The following ITGA6 variants were observed in gnomAD, a reference collection of about 807,000 sequenced individuals.
The protein encoded by ITGA6 is integrin alpha-6.
In ITGA6, 63 loss-of-function variants were observed where a neutral mutation model predicts 133.6. The ratio of observed to expected loss-of-function variants is 0.47; its 90% confidence interval spans 0.38 to 0.58. ITGA6 has a LOEUF of 0.58. Among genes scored for constraint, ITGA6 ranks in the 20% least tolerant of loss-of-function variants. The pLI is 0.00. For synonymous variants in ITGA6, 434 were observed against 482.0 expected (o/e 0.90, Z 1.30); for missense variants, 1,068 against 1,309.4 (o/e 0.82, Z 2.85).
intron 23 of ITGA6, 46 bp from the exon 24 acceptor site, chr2:172,497,928 CT>C: frequency 1.9e-6 from 3 of 1,610,896 alleles, no homozygotes; most frequent in Non-Finnish European, 2.5e-6. Flanking sequence ...CTGGTGTGAA[CT>C]CTTGCCGCTG....
At chr2:172,438,720 C>T (rs1279351079) in intron 1 of ITGA6, among the ~76,000 whole-genome samples, 1 of 151,628 alleles carries the variant, frequency 6.6e-6, no homozygotes. Context: ...AAAATATGAA[C>T]ATAATTCCCT....
intron 9 of ITGA6, among the ~76,000 whole-genome samples, chr2:172,478,868 C>A (rs781360916): frequency 6.6e-6 from 1 of 152,152 alleles, no homozygotes; most frequent in South Asian, 2.1e-4. Flanking sequence ...CTCCCAAGTT[C>A]AGGATTGCCT....
intron 1 of ITGA6, among the ~76,000 whole-genome samples, chr2:172,452,514 C>T (rs1320254483): frequency 4.6e-5 from 7 of 152,100 alleles, no homozygotes; most frequent in South Asian, 4.1e-4. Flanking sequence ...TGTGGGAGTG[C>T]GAACAAAGAG....
chr2:172,504,260 CTA>C lies in ITGA6; in HGVS notation c.*193_*194del. On this transcript the variant is annotated 3_prime_UTR_variant, in exon 26 of 26. Transcript: ENST00000684293. Reference sequence around the variant, plus strand: ...AATGAAAGCTACTCATAGCGGGGGCCTAAAAAAAAAAAGCTTCACAGTACCCA... The same window carrying C: ...AATGAAAGCTACTCATAGCGGGGGCCAAAAAAAAAAGCTTCACAGTACCCA... 1 of 1,524,600 alleles carries C rather than the reference CTA, an allele frequency of 6.6e-7. No individual in the cohort carries two copies. The allele number at this position is 1,524,600 out of a possible 1,614,324, so 94.4% of individuals were successfully genotyped here.
rs766374480 is a variant in ITGA6 at position 172,484,845 on chromosome 2, A to T, written c.1613A>T (p.Gln538Leu). 1 of 1,614,092 alleles carries T rather than the reference A, an allele frequency of 6.2e-7. No individual in the cohort carries two copies. Among genetic ancestry groups the T allele is most frequent in the Admixed American group, 1.7e-5 (1 of 60,028 alleles). Residue 538 changes from glutamine (Q) to leucine (L), a missense_variant, in exon 12 of 26, where the codon CAG becomes CTG. Physicochemically the swap from Gln to Leu is moderately radical, Grantham distance 113. Around this residue, in one of 3 missense-constraint regions of ITGA6, gnomAD observed 609 missense variants for 707.2 expected, o/e 0.86. Coordinates refer to ENST00000684293, the MANE Select transcript of ITGA6 (RefSeq NM_000210.4). ...RRKSGLSSRV[Q>L]FRNQGSEPKY... is the part of the protein sequence containing the mutation. ...AAATCTGGGCTATCCTCAAGAGTTC[A>T]GTTTCGAAACCAAGGTTCTGAGCCC...
intron 2 of ITGA6, among the ~76,000 whole-genome samples, chr2:172,467,116 G>A (rs1685714460): frequency 6.6e-6 from 1 of 152,102 alleles, no homozygotes; most frequent in Non-Finnish European, 1.5e-5. Flanking sequence ...GCTGCAGTTT[G>A]GAATACTAGA....
chr2:172,465,841 C>A, intron 2 of ITGA6, 178 bp downstream of exon 2: 1 of 903,696 alleles, frequency 1.1e-6, no homozygotes, highest in Non-Finnish European at 1.7e-6. Flanking sequence ...CTGAATCATA[C>A]TGGGATGCCG....
rs1684437795 is a variant in ITGA6, at chr2:172,439,089, C to T, written c.182+11119C>T. Among the ~76,000 whole-genome samples, 3 of 151,800 alleles carry T rather than the reference C, an allele frequency of 2.0e-5. 1 individual carries two copies. The highest frequency in any genetic ancestry group is 2.0e-4 in the Admixed American group (3 of 15,226). ...CTGCAGCTCTAGAATTGGGTAGTGC[C>T]TTGGATGGCACAGTCCTGGTGTATC... On this transcript the variant is annotated intron_variant, in intron 1 of 25. Transcript: ENST00000684293.
At chr2:172,481,263 A>G (rs986630025) in intron 11 of ITGA6, among the ~76,000 whole-genome samples, 1 of 152,212 alleles carries the variant, frequency 6.6e-6, no homozygotes, top group African/African-American at 2.4e-5. Context: ...GTCCCTTATA[A>G]TATTCCAGAA....
intron 13 of ITGA6, among the ~76,000 whole-genome samples, chr2:172,485,534 T>C (rs2149068742): frequency 6.6e-6 from 1 of 152,336 alleles, no homozygotes; most frequent in East Asian, 1.9e-4. Flanking sequence ...GTAGAGCTTA[T>C]ATTCTAACAC....
At chr2:172,433,522 G>A (rs1362748465) in intron 1 of ITGA6, among the ~76,000 whole-genome samples, 1 of 152,198 alleles carries the variant, frequency 6.6e-6, no homozygotes, top group Non-Finnish European at 1.5e-5. Flanking sequence ...CAGCTGTGAA[G>A]CTAGTATCCT....
At chr2:172,483,177 G>T (rs1370524517) in intron 11 of ITGA6, among the ~76,000 whole-genome samples, 1 of 152,156 alleles carries the variant, frequency 6.6e-6, no homozygotes, top group East Asian at 1.9e-4. Context: ...GCTTAGCCAA[G>T]CAGGCCAACA....
chr2:172,465,478 G>T, intron 1 of ITGA6, 61 bp from the exon 2 acceptor site: 3 of 1,591,160 alleles, frequency 1.9e-6, no homozygotes, highest in South Asian at 1.1e-5. Context: ...AGTTCTGACT[G>T]ATTTAACTGT....
chr2:172,484,430 C>T (rs998404967), intron 11 of ITGA6, among the ~76,000 whole-genome samples: 1 of 152,092 alleles, frequency 6.6e-6, no homozygotes, highest in African/African-American at 2.4e-5. Context: ...TTTAGGTGCT[C>T]GGGGGAGTGT....
At chr2:172,481,620 G>T (rs1472415464) in intron 11 of ITGA6, among the ~76,000 whole-genome samples, 1 of 152,104 alleles carries the variant, frequency 6.6e-6, no homozygotes, top group Non-Finnish European at 1.5e-5. Flanking sequence ...CTGTCTGCAG[G>T]TGGTTTCTCC....
intron 23 of ITGA6, among the ~76,000 whole-genome samples, chr2:172,493,392 A>G (rs918758893): frequency 6.6e-6 from 1 of 152,210 alleles, no homozygotes; most frequent in Non-Finnish European, 1.5e-5. Context: ...ATAGCTTTCT[A>G]TAACTGTAAA....
At chr2:172,427,470 G>C (rs1441082283), upstream of ITGA6, 2 of 1,072,816 alleles carry the variant, frequency 1.9e-6, no homozygotes, top group African/African-American at 3.4e-5. Context: ...AGAGCCGGCG[G>C]GTAAGGTGCG....
At chr2:172,473,789 A>G (rs1426928532) in intron 5 of ITGA6, among the ~76,000 whole-genome samples, 1 of 152,214 alleles carries the variant, frequency 6.6e-6, no homozygotes, top group African/African-American at 2.4e-5. Flanking sequence ...AGATGTATGA[A>G]TACTTCAAAA....
At chr2:172,471,199 C>A in intron 5 of ITGA6, 94 bp downstream of exon 5, 1 of 1,487,046 alleles carries the variant, frequency 6.7e-7, no homozygotes, top group Non-Finnish European at 9.3e-7. Flanking sequence ...GACTTCTAGG[C>A]TGAGAAGAGG....
Sources: gnomAD v4.1 joint callset for allele counts (sites outside exome capture counted in the v4.1 genomes callset) on GRCh38, gnomAD v4.1.1 for gene constraint, gnomAD v4.1.1 regional missense constraint, MANE v1.5 for transcripts, NCBI Gene and HGNC (gene_info 2026-07-23, HGNC 2026-07-21) for gene names.